PTPRS: variants seen among roughly 807,000 people sequenced by gnomAD.
PTPRS encodes receptor-type tyrosine-protein phosphatase S.
PTPRS carries 63 observed loss-of-function variants against 215.3 expected under a neutral mutation model. The observed-to-expected ratio is 0.29, with a 90% CI of 0.24 to 0.36. The LOEUF is 0.36. Ranked by LOEUF, PTPRS falls within the 10% of genes least tolerant of loss-of-function variation. The pLI, the probability that PTPRS is intolerant of heterozygous loss-of-function variation, is 1.00. For missense variants in PTPRS, 2,258 were observed against 2,825.8 expected (o/e 0.80, Z 4.56); for synonymous variants, 1,404 against 1,191.4 (o/e 1.18, Z -3.68).
chr19:5,320,148 G>A (rs1342969484), intron 1 of PTPRS, among the ~76,000 whole-genome samples: 1 of 152,174 alleles, frequency 6.6e-6, no homozygotes, highest in African/African-American at 2.4e-5. Context: ...CTCCAGCCGG[G>A]GCCTTCCTGT....
At chr19:5,239,341 G>A (rs918119541) in intron 12 of PTPRS, among the ~76,000 whole-genome samples, 1 of 151,422 alleles carries the variant, frequency 6.6e-6, no homozygotes, top group African/African-American at 2.4e-5. Flanking sequence ...GAGAGAAACA[G>A]GGGAGAGAGT....
chr19:5,282,357 G>A (rs970306064), intron 2 of PTPRS, among the ~76,000 whole-genome samples: 1 of 152,122 alleles, frequency 6.6e-6, no homozygotes, highest in Admixed American at 6.6e-5. Flanking sequence ...TCCTTTGGAC[G>A]AAGCTTCCCC....
intron 11 of PTPRS, among the ~76,000 whole-genome samples, chr19:5,242,843 C>T (rs2044159986): frequency 6.6e-6 from 1 of 151,956 alleles, no homozygotes; most frequent in Non-Finnish European, 1.5e-5. Context: ...TACAGGTGTG[C>T]ACCATCACGC....
intron 2 of PTPRS, 119 bp from the exon 3 acceptor site, chr19:5,274,463 T>C: frequency 8.3e-7 from 1 of 1,209,022 alleles, no homozygotes; most frequent in Non-Finnish European, 1.1e-6. Context: ...ATGTGGCCAA[T>C]GAAGAGAGGA....
chr19:5,309,394 C>T (rs78495849), intron 1 of PTPRS, among the ~76,000 whole-genome samples: 5,952 of 152,272 alleles, frequency 0.039, 154 homozygotes, highest in Non-Finnish European at 0.067. Context: ...AAGTGCTTGA[C>T]GCATATTAAC....
chr19:5,226,449 G>C (rs577491321), intron 16 of PTPRS, among the ~76,000 whole-genome samples: 1 of 152,286 alleles, frequency 6.6e-6, no homozygotes, highest in South Asian at 2.1e-4. Flanking sequence ...AACTGTACGA[G>C]GCTGGGCGCA....
chr19:5,208,599 C>T lies in PTPRS; in HGVS notation c.5488-208G>A, dbSNP rs141246924. Among the ~76,000 whole-genome samples the T allele has an allele frequency of 4.6e-3, 695 of 152,244 alleles. 1 individual carries two copies. The highest frequency in any genetic ancestry group is 0.014 in the Middle Eastern group (4 of 294). On this transcript the variant is annotated intron_variant, in intron 35 of 37. Transcript: ENST00000262963. ...AGTGATTCAAGTAATTCTCCTGCCTCAGCCTCCCGATTAGCTGGGATTACA... is the reference window on the plus strand; with the variant it reads ...AGTGATTCAAGTAATTCTCCTGCCTTAGCCTCCCGATTAGCTGGGATTACA...
intron 7 of PTPRS, 69 bp downstream of exon 7, chr19:5,260,736 T>A: frequency 6.3e-7 from 1 of 1,586,098 alleles, no homozygotes; most frequent in Non-Finnish European, 8.7e-7. Context: ...GCAGGCCCTG[T>A]GGAGCCTGAG....
chr19:5,258,782 T>C (rs1198676347), intron 7 of PTPRS, among the ~76,000 whole-genome samples: 1 of 152,220 alleles, frequency 6.6e-6, no homozygotes, highest in Non-Finnish European at 1.5e-5. Context: ...TGCTGGTGTG[T>C]ATCAAGTATG....
At chr19:5,281,716 GTTAC>G (rs1427832168) in intron 2 of PTPRS, among the ~76,000 whole-genome samples, 1 of 152,170 alleles carries the variant, frequency 6.6e-6, no homozygotes, top group Non-Finnish European at 1.5e-5. Context: ...GGTCAAGAAT[GTTAC>G]TTCTGGTAAA....
chr19:5,252,371 G>A (rs888452802), intron 9 of PTPRS, among the ~76,000 whole-genome samples: 1 of 151,912 alleles, frequency 6.6e-6, no homozygotes, highest in African/African-American at 2.4e-5. Context: ...GAGGTCAGGA[G>A]TTTGAGACCA....
intron 1 of PTPRS, among the ~76,000 whole-genome samples, chr19:5,302,333 C>T (rs1177515254): frequency 6.6e-6 from 1 of 152,142 alleles, no homozygotes; most frequent in Non-Finnish European, 1.5e-5. Context: ...CCACTAAACA[C>T]CAGCTTGGGT....
chr19:5,229,754 G>GT (rs1205604208), intron 14 of PTPRS, 70 bp from the exon 15 acceptor site: 1 of 986,852 alleles, frequency 1.0e-6, no homozygotes, highest in Non-Finnish European at 1.3e-6. Flanking sequence ...GCCCCGGGCA[G>GT]TGCCACTGTC....
intron 7 of PTPRS, among the ~76,000 whole-genome samples, chr19:5,259,552 T>C (rs1377369582): frequency 2.0e-5 from 3 of 152,184 alleles, no homozygotes; most frequent in Non-Finnish European, 4.4e-5. Context: ...TCCACACGTA[T>C]GTTTGTAATC....
intron 1 of PTPRS, among the ~76,000 whole-genome samples, chr19:5,289,681 C>T (rs376849674): frequency 9.8e-5 from 15 of 152,322 alleles, no homozygotes; most frequent in African/African-American, 3.4e-4. Flanking sequence ...CGGGCCTTTG[C>T]GTGGGCCATT....
rs572081760 is a variant in PTPRS at position 5,211,909 on chromosome 19, C to T, written c.5055+56G>A. 1.1e-3 allele frequency: 1,750 copies of T among 1,545,726 alleles called. 3 individuals are homozygous for T. Among genetic ancestry groups the T allele is most frequent in the Non-Finnish European group, 1.1e-3 (1,274 of 1,146,416 alleles). ...CATTGCTCGAGGCGGGCCTGATTTT[C>T]GGCTCTTTGGGCCTCCTCCCCACCC... On this transcript the variant is annotated intron_variant, in intron 32 of 37. Coordinates refer to ENST00000262963, the MANE Select transcript of PTPRS (RefSeq NM_002850.4).
chr19:5,220,208 C>A (rs980355566), intron 21 of PTPRS, 52 bp downstream of exon 21: 1 of 1,609,032 alleles, frequency 6.2e-7, no homozygotes, highest in Non-Finnish European at 8.5e-7. Context: ...CAACAGAGCA[C>A]GTGAAAACTG....
At chr19:5,308,906 C>CCCTCCCGTTCCTCTCCCTT (rs1216984303) in intron 1 of PTPRS, among the ~76,000 whole-genome samples, 2 of 152,158 alleles carry the variant, frequency 1.3e-5, no homozygotes, top group Non-Finnish European at 2.9e-5. Context: ...TTTGCTCGCT[C>CCCTCCCGTTCCTCTCCCTT]CCTCCCGTTC....
intron 11 of PTPRS, 134 bp from the exon 12 acceptor site, chr19:5,240,466 C>A (rs186767066): frequency 4.5e-6 from 4 of 891,752 alleles, no homozygotes; most frequent in Non-Finnish European, 6.3e-6. Flanking sequence ...TTCCTGGGGA[C>A]CTCGCCCCCA....
Sources: allele counts gnomAD v4.1 joint callset (sites outside exome capture counted in the v4.1 genomes callset), GRCh38; gene constraint gnomAD v4.1.1; transcripts MANE v1.5; gene names NCBI Gene and HGNC (gene_info 2026-07-23, HGNC 2026-07-21).